NR2C2: variants seen among roughly 807,000 people sequenced by gnomAD.
The protein encoded by NR2C2 is Nuclear hormone receptor TR4.
Under a neutral mutation model 62.9 loss-of-function variants are expected in NR2C2, and 6 were observed. The observed-to-expected ratio is 0.10, with a 90% confidence interval of 0.05 to 0.19. The LOEUF is 0.19. Among genes scored for constraint, NR2C2 ranks in the 10% least tolerant of loss-of-function variants. The probability of loss-of-function intolerance (pLI) is 1.00; values close to 1 mark genes in which losing one functional copy is unlikely to be tolerated. For missense variants in NR2C2, 479 were observed against 762.7 expected, an observed-to-expected ratio of 0.63 and a Z score of 4.38; for synonymous variants, 272 against 273.8, an observed-to-expected ratio of 0.99 and a Z score of 0.07.
intron 7 of NR2C2, chr3:15,026,513 A>T (rs975224946): frequency 6.6e-6 from 1 of 151,848 alleles, no homozygotes; most frequent in Non-Finnish European, 1.5e-5. Context: ...CTCTTCTCAA[A>T]CCCTACCAAC....
intron 1 of NR2C2, among the ~76,000 whole-genome samples, chr3:14,984,168 G>A (rs913507633): frequency 3.3e-5 from 5 of 152,064 alleles, no homozygotes; most frequent in Admixed American, 6.5e-5. Flanking sequence ...GATTACAGGC[G>A]TGAGCCACCA....
chr3:14,984,376 T>A (rs181174496), intron 1 of NR2C2, among the ~76,000 whole-genome samples: 2 of 152,312 alleles, frequency 1.3e-5, no homozygotes, highest in East Asian at 3.9e-4. Flanking sequence ...TTTTATAAAT[T>A]TTTAGGATAG....
chr3:15,029,124 T>TA (rs2041901209), intron 8 of NR2C2, among the ~76,000 whole-genome samples: 1 of 150,884 alleles, frequency 6.6e-6, no homozygotes, highest in Admixed American at 6.6e-5. Context: ...TTTTTTTTTT[T>TA]AATAGAGATG....
rs547567795 is a variant in NR2C2, at chr3:14,947,779, G to A, written c.-167G>A. 2.6e-4 allele frequency: 38 copies of A among 148,756 alleles called. No individual in the cohort carries two copies. The highest frequency in any genetic ancestry group is 8.8e-4 in the African/African-American group (36 of 40,746). 9.2% of individuals were successfully genotyped at this position (148,756 alleles called of 1,614,324 possible). On this transcript the variant is annotated 5_prime_UTR_variant, in exon 1 of 14. Transcript: ENST00000425241. Reference sequence around the variant, plus strand: ...CTCGCCCGCTGCCCCGCGAGCCCGCGGCCCCCGGGCTCCCGCCATCCGCCG... The same window carrying A: ...CTCGCCCGCTGCCCCGCGAGCCCGCAGCCCCCGGGCTCCCGCCATCCGCCG...
chr3:14,990,189 G>T (rs531808740), intron 1 of NR2C2, among the ~76,000 whole-genome samples: 1 of 152,160 alleles, frequency 6.6e-6, no homozygotes. Context: ...GGGCTCTCCA[G>T]GTCTTTCCTC....
In NR2C2 at chr3:15,048,035, G is replaced by T. The variant is rs2042517303; in HGVS notation, c.*5027G>T. On this transcript the variant is annotated 3_prime_UTR_variant, in exon 14 of 14. Transcript: ENST00000425241. ...CAGTAGTTGCTCATAGACCTGGGAA[G>T]CAGGGGCCTGCTGGAAGGAATCACT... The T allele has an allele frequency of 6.6e-6, 1 of 152,638 alleles. No homozygotes were observed. The allele number at this position is 152,638 out of a possible 1,614,324, so 9.5% of individuals were successfully genotyped here.
chr3:14,962,998 G>A (rs1308341830), intron 1 of NR2C2, among the ~76,000 whole-genome samples: 1 of 152,146 alleles, frequency 6.6e-6, no homozygotes. Flanking sequence ...AGGTTGAGAA[G>A]TATAATTCCA....
At chr3:15,035,912 C>T (rs900698023) in intron 11 of NR2C2, among the ~76,000 whole-genome samples, 24 of 152,216 alleles carry the variant, frequency 1.6e-4, no homozygotes, top group African/African-American at 5.5e-4. Flanking sequence ...TCTGTAATCC[C>T]AGCTACTTGG....
intron 1 of NR2C2, among the ~76,000 whole-genome samples, chr3:14,972,663 C>T (rs1343816075): frequency 2.6e-5 from 4 of 152,066 alleles, no homozygotes; most frequent in Non-Finnish European, 5.9e-5. Context: ...TAAAGGAATA[C>T]CTGAGGCTGG....
Position 15,020,894 on chromosome 3 carries a change from G to A in NR2C2, c.518G>A (p.Arg173Gln). Residue 173 changes from arginine to glutamine, a missense_variant, in exon 5 of 14, where the codon CGG becomes CAG. Physicochemically the swap from Arg to Gln is conservative, Grantham distance 43 (BLOSUM62 1). Around this residue, in one of 4 missense-constraint regions of NR2C2, gnomAD observed 51 missense variants for 137.5 expected, o/e 0.37. Coordinates refer to ENST00000425241, the MANE Select transcript of NR2C2 (RefSeq NM_001291694.2). Reference sequence around the variant, plus strand: ...CACCGGAACCGCTGTCAGTTTTGCCGGCTGAAAAAATGCTTAGAGATGGGC... The same window carrying A: ...CACCGGAACCGCTGTCAGTTTTGCCAGCTGAAAAAATGCTTAGAGATGGGC... ...KHHRNRCQFC[R>Q]LKKCLEMGMK... The A allele has an allele frequency of 1.2e-6, 2 of 1,613,812 alleles. No homozygotes were observed. The highest frequency in any genetic ancestry group is 1.7e-6 in the Non-Finnish European group (2 of 1,179,938).
At chr3:14,979,542 G>T (rs2040302514) in intron 1 of NR2C2, among the ~76,000 whole-genome samples, 1 of 152,204 alleles carries the variant, frequency 6.6e-6, no homozygotes, top group African/African-American at 2.4e-5. Flanking sequence ...AGGAATTACT[G>T]TCTAAGCACA....
chr3:14,962,734 C>G (rs182532292), intron 1 of NR2C2, among the ~76,000 whole-genome samples: 1 of 150,492 alleles, frequency 6.6e-6, no homozygotes, highest in Non-Finnish European at 1.5e-5. Flanking sequence ...TACTTTAAAC[C>G]GAAAACTAGT....
intron 1 of NR2C2, among the ~76,000 whole-genome samples, chr3:14,950,959 C>G (rs1192164820): frequency 6.6e-6 from 1 of 152,184 alleles, no homozygotes; most frequent in Non-Finnish European, 1.5e-5. Flanking sequence ...ATGCCACTTT[C>G]TGGAGACATA....
chr3:14,979,434 T>C lies in NR2C2; in HGVS notation c.-39-24442T>C, dbSNP rs573811692. On this transcript the variant is annotated intron_variant, in intron 1 of 13. Coordinates refer to ENST00000425241, the MANE Select transcript of NR2C2 (RefSeq NM_001291694.2). ...TAAATATTCTGTTCGCATGAAGCTT[T>C]TATTCTATCAGGAAACAGACAATAA... Among the ~76,000 whole-genome samples the C allele has an allele frequency of 1.7e-3, 256 of 152,240 alleles. 1 individual carries two copies. Among genetic ancestry groups the C allele is most frequent in the Non-Finnish European group, 3.1e-3 (211 of 68,050 alleles).
chr3:14,981,257 A>G (rs1574957455), intron 1 of NR2C2, among the ~76,000 whole-genome samples: 1 of 152,186 alleles, frequency 6.6e-6, no homozygotes, highest in Non-Finnish European at 1.5e-5. Context: ...TCCTGAGCCC[A>G]GAAGTTCAAG....
chr3:14,954,921 C>G (rs2039478921), intron 1 of NR2C2, among the ~76,000 whole-genome samples: 1 of 152,190 alleles, frequency 6.6e-6, no homozygotes, highest in Non-Finnish European at 1.5e-5. Flanking sequence ...ATCTCCGCCT[C>G]CCAGGTTCAA....
intron 1 of NR2C2, among the ~76,000 whole-genome samples, chr3:14,988,585 C>T (rs887105949): frequency 8.5e-5 from 13 of 152,334 alleles, no homozygotes; most frequent in African/African-American, 3.1e-4. Flanking sequence ...CTTTATTAAT[C>T]TTTCCTTTTA....
intron 1 of NR2C2, among the ~76,000 whole-genome samples, chr3:14,954,795 T>G (rs904561212): frequency 2.0e-5 from 3 of 152,132 alleles, no homozygotes; most frequent in Non-Finnish European, 4.4e-5. Context: ...TGTGTTCAGT[T>G]AGTGAAAATT....
chr3:14,965,487 A>G (rs2039814620), intron 1 of NR2C2, among the ~76,000 whole-genome samples: 1 of 138,846 alleles, frequency 7.2e-6, no homozygotes, highest in Non-Finnish European at 1.5e-5. Flanking sequence ...GTAGAATTTC[A>G]TGTATTAACT....
Sources: gnomAD v4.1 joint callset for allele counts (sites outside exome capture counted in the v4.1 genomes callset) on GRCh38, gnomAD v4.1.1 for gene constraint, gnomAD v4.1.1 regional missense constraint, MANE v1.5 for transcripts, NCBI Gene and HGNC (gene_info 2026-07-23, HGNC 2026-07-21) for gene names.